The following ESRRG variants were observed in gnomAD, a reference collection of about 807,000 sequenced individuals.
ESRRG encodes the protein estrogen related receptor gamma.
A neutral mutation model predicts 44.0 loss-of-function variants in ESRRG; 13 were observed. That is an observed-to-expected ratio of 0.30 (90% CI 0.19 to 0.47). The LOEUF (loss-of-function observed/expected upper bound fraction) is 0.47, where lower values mean the gene tolerates loss of function less well. ESRRG is among the 20% of genes least tolerant of loss of function. The probability of loss-of-function intolerance (pLI) is 1.00; values close to 1 mark genes in which losing one functional copy is unlikely to be tolerated. For synonymous variants in ESRRG, 215 were observed against 214.6 expected (o/e 1.00, Z -0.02); for missense variants, 395 against 580.6 (o/e 0.68, Z 3.29).
At chr1:217,012,916 G>A (rs541501088) in intron 1 of ESRRG, among the ~76,000 whole-genome samples, 1 of 152,310 alleles carries the variant, frequency 6.6e-6, no homozygotes, top group African/African-American at 2.4e-5. Context: ...CAAAATCAAG[G>A]TGTTGATAGG....
intron 1 of ESRRG, among the ~76,000 whole-genome samples, chr1:216,685,122 A>G (rs1487478797): frequency 6.6e-6 from 1 of 152,190 alleles, no homozygotes; most frequent in Non-Finnish European, 1.5e-5. Flanking sequence ...ACAGTGTGCT[A>G]TAGTCAACCA....
At chr1:217,069,879 C>T (rs2090337128) in intron 1 of ESRRG, among the ~76,000 whole-genome samples, 1 of 152,184 alleles carries the variant, frequency 6.6e-6, no homozygotes, top group Non-Finnish European at 1.5e-5. Flanking sequence ...TGTTGTAAAT[C>T]ACAACCCTCA....
At chr1:216,529,469 CAA>C (rs2048641278) in intron 5 of ESRRG, among the ~76,000 whole-genome samples, 2 of 151,962 alleles carry the variant, frequency 1.3e-5, no homozygotes, top group South Asian at 4.1e-4. Context: ...TTAAGTCATG[CAA>C]AGTTTTAATA....
chr1:216,888,675 C>T (rs2057374238), intron 2 of ESRRG, among the ~76,000 whole-genome samples: 1 of 152,130 alleles, frequency 6.6e-6, no homozygotes, highest in Non-Finnish European at 1.5e-5. Flanking sequence ...TAGTTCCTAG[C>T]ACCCACCTTA....
intron 2 of ESRRG, among the ~76,000 whole-genome samples, chr1:216,768,437 G>GATCTATCTATCATT (rs1416370139): frequency 4.3e-5 from 5 of 116,922 alleles, no homozygotes; most frequent in African/African-American, 1.7e-4. Flanking sequence ...GATATAGATA[G>GATCTATCTATCATT]ATCTATCTAT....
intron 1 of ESRRG, among the ~76,000 whole-genome samples, chr1:216,981,895 G>T (rs2074034749): frequency 6.6e-6 from 1 of 152,200 alleles, no homozygotes; most frequent in Non-Finnish European, 1.5e-5. Context: ...CATGGCCTGT[G>T]ATGACTTAGT....
intron 2 of ESRRG, among the ~76,000 whole-genome samples, chr1:216,915,842 C>T (rs1040869727): frequency 2.0e-5 from 3 of 152,208 alleles, no homozygotes; most frequent in African/African-American, 7.2e-5. Flanking sequence ...CTTCTTCACA[C>T]ACTGTACTAC....
chr1:217,069,906 C>A (rs879328752), intron 1 of ESRRG, among the ~76,000 whole-genome samples: 3 of 152,154 alleles, frequency 2.0e-5, no homozygotes, highest in Non-Finnish European at 4.4e-5. Flanking sequence ...TCCTTAAAGA[C>A]CAGATGATGG....
chr1:217,116,320 G>A (rs550741240), intron 1 of ESRRG, among the ~76,000 whole-genome samples: 5 of 152,226 alleles, frequency 3.3e-5, no homozygotes, highest in Non-Finnish European at 7.4e-5. Flanking sequence ...GAGTAAAAAG[G>A]TTTGCTGCTA....
chr1:216,877,852 T>C (rs2096382295), intron 2 of ESRRG, among the ~76,000 whole-genome samples: 1 of 152,206 alleles, frequency 6.6e-6, no homozygotes, highest in South Asian at 2.1e-4. Context: ...AGACCACTAC[T>C]TCTAACCTCT....
At chr1:216,855,182 GAT>G (rs1186341972) in intron 2 of ESRRG, 2 of 152,278 alleles carry the variant, frequency 1.3e-5, no homozygotes, top group African/African-American at 2.4e-5. Context: ...ATGGGCCGCT[GAT>G]ATGACACTTG....
chr1:217,115,596 C>G (rs961856886), intron 1 of ESRRG, among the ~76,000 whole-genome samples: 2 of 152,078 alleles, frequency 1.3e-5, no homozygotes, highest in African/African-American at 4.8e-5. Flanking sequence ...GCTGTCCTCT[C>G]TATCTGAAAT....
intron 3 of ESRRG, among the ~76,000 whole-genome samples, chr1:216,642,661 A>G (rs187374623): frequency 8.4e-4 from 128 of 152,254 alleles, no homozygotes; most frequent in Admixed American, 1.6e-3. Flanking sequence ...GTCATCTAAC[A>G]CAGAAATATT....
intron 1 of ESRRG, among the ~76,000 whole-genome samples, chr1:216,678,043 T>C (rs1488977265): frequency 2.0e-5 from 3 of 152,256 alleles, no homozygotes. Flanking sequence ...AATTACTGTT[T>C]GTCAGCACGC....
intron 3 of ESRRG, among the ~76,000 whole-genome samples, chr1:216,649,442 A>G (rs1421615420): frequency 1.3e-5 from 2 of 151,934 alleles, no homozygotes; most frequent in Non-Finnish European, 2.9e-5. Flanking sequence ...ATGTATATCC[A>G]TCACTGTGTA....
At chr1:216,933,202 C>G (rs2063624959) in intron 2 of ESRRG, among the ~76,000 whole-genome samples, 2 of 152,012 alleles carry the variant, frequency 1.3e-5, no homozygotes, top group Non-Finnish European at 2.9e-5. Context: ...TCCAAATTTT[C>G]TATATTGACA....
chr1:216,747,034 T>C (rs969962003), intron 2 of ESRRG, among the ~76,000 whole-genome samples: 7 of 152,322 alleles, frequency 4.6e-5, no homozygotes, highest in South Asian at 2.1e-4. Flanking sequence ...ACAGGCTTCA[T>C]AGAATTTGTA....
chr1:216,557,473 T>G (rs906777479), intron 5 of ESRRG, among the ~76,000 whole-genome samples: 1 of 152,152 alleles, frequency 6.6e-6, no homozygotes, highest in Non-Finnish European at 1.5e-5. Flanking sequence ...AAATATACTA[T>G]GTGTCTAAGT....
intron 3 of ESRRG, among the ~76,000 whole-genome samples, chr1:216,641,925 T>G (rs2066514251): frequency 6.6e-6 from 1 of 152,214 alleles, no homozygotes; most frequent in Non-Finnish European, 1.5e-5. Flanking sequence ...TAGTTCATTC[T>G]ATTTCTGGAC....
Sources: allele counts gnomAD v4.1 joint callset (sites outside exome capture counted in the v4.1 genomes callset), GRCh38; gene constraint gnomAD v4.1.1; transcripts MANE v1.5; gene names NCBI Gene and HGNC (gene_info 2026-07-23, HGNC 2026-07-21).